Variants in CYP3A43 observed in about 807,000 individuals in gnomAD.
CYP3A43 encodes cytochrome P450 family 3 subfamily A member 43.
A neutral mutation model predicts 58.0 loss-of-function variants in CYP3A43; 45 were observed. The ratio of observed to expected loss-of-function variants is 0.78; its 90% CI spans 0.61 to 0.99. CYP3A43 has a LOEUF of 0.99. CYP3A43 is among the 50% of genes least tolerant of loss of function. The pLI is 0.00. For missense variants in CYP3A43, 593 were observed against 591.9 expected (o/e 1.00, Z -0.02); for synonymous variants, 191 against 201.4 (o/e 0.95, Z 0.44).
At chr7:99,834,185 T>G (rs1307383473) in intron 1 of CYP3A43, among the ~76,000 whole-genome samples, 1 of 152,214 alleles carries the variant, frequency 6.6e-6, no homozygotes, top group Non-Finnish European at 1.5e-5. Flanking sequence ...ATAAATCTAG[T>G]GCCCTTGATG....
chr7:99,862,509 C>G (rs1818276967), intron 11 of CYP3A43, among the ~76,000 whole-genome samples: 1 of 152,198 alleles, frequency 6.6e-6, no homozygotes, highest in South Asian at 2.1e-4. Flanking sequence ...GATGACTCTT[C>G]CAAAGCAAAG....
chr7:99,844,273 A>T (rs1297521081), intron 4 of CYP3A43, 31 bp downstream of exon 4: 2 of 1,591,894 alleles, frequency 1.3e-6, no homozygotes, highest in Non-Finnish European at 1.7e-6. Flanking sequence ...GTATTAATCA[A>T]ATTTTTATTC....
intron 3 of CYP3A43, among the ~76,000 whole-genome samples, chr7:99,843,247 T>G (rs1817412274): frequency 6.6e-6 from 1 of 152,040 alleles, no homozygotes; most frequent in Admixed American, 6.6e-5. Flanking sequence ...CTGCTTGCTC[T>G]TTCTCCTTTA....
At chr7:99,839,081 C>G in intron 2 of CYP3A43, 39 bp from the exon 3 acceptor site, 1 of 1,612,710 alleles carries the variant, frequency 6.2e-7, no homozygotes, top group Non-Finnish European at 8.5e-7. Context: ...TCAGTACATT[C>G]GAAATAATAC....
chr7:99,856,931 T>G, intron 9 of CYP3A43, 32 bp downstream of exon 9: 1 of 1,601,858 alleles, frequency 6.2e-7, no homozygotes, highest in Non-Finnish European at 8.5e-7. Flanking sequence ...GGGCTACTGA[T>G]GGGGACACTC....
intron 10 of CYP3A43, among the ~76,000 whole-genome samples, chr7:99,860,904 T>C (rs558374523): frequency 3.4e-4 from 52 of 152,168 alleles, no homozygotes; most frequent in Non-Finnish European, 6.5e-4. Flanking sequence ...CATGGAGTCT[T>C]GCTTCGTCGC....
intron 11 of CYP3A43, among the ~76,000 whole-genome samples, chr7:99,863,151 G>A (rs1296546790): frequency 6.6e-6 from 1 of 152,148 alleles, no homozygotes; most frequent in Non-Finnish European, 1.5e-5. Context: ...AATGCTGCAT[G>A]TCAGCTTCCC....
In CYP3A43 at chr7:99,855,719, G is replaced by A. The variant is rs1817950629; in HGVS notation, c.798+1G>A. 6.2e-7 allele frequency: 1 copy of A among 1,603,794 alleles called. No individual in the cohort carries two copies. On this transcript the variant is annotated splice_donor_variant, in intron 8 of 12. Transcript: ENST00000354829. LOFTEE classifies it high-confidence loss of function. ...AAGTCGCCTCAAAGATAAACAAAAG[G>A]TAAAATCTGGTGGTGGTGACATGAG...
intron 1 of CYP3A43, among the ~76,000 whole-genome samples, chr7:99,832,596 T>G (rs896230179): frequency 9.3e-5 from 14 of 150,126 alleles, no homozygotes; most frequent in Admixed American, 2.7e-4. Flanking sequence ...TGCTAAATGA[T>G]GAGTTAATGG....
At chr7:99,839,326 T>A (rs1048821464) in intron 3 of CYP3A43, 154 bp downstream of exon 3, 7 of 916,906 alleles carry the variant, frequency 7.6e-6, no homozygotes, top group Non-Finnish European at 1.2e-5. Context: ...AAAAAGATGA[T>A]CTGGGAATTG....
chr7:99,829,726 C>T (rs1246266551), intron 1 of CYP3A43, among the ~76,000 whole-genome samples: 1 of 152,150 alleles, frequency 6.6e-6, no homozygotes, highest in Non-Finnish European at 1.5e-5. Context: ...GGTAGAATGA[C>T]CTCTTATTAA....
chr7:99,839,141 GA>G lies in CYP3A43; in HGVS notation c.189del (p.Glu63AspfsTer27). On this transcript the variant is annotated frameshift_variant, in exon 3 of 13. Transcript: ENST00000354829. LOFTEE classifies it high-confidence loss of function. ...YLRGLWNFDR[E>X]CNEKYGEMWG... ...CCAGGGTCTTTGGAATTTTGACAGA[GA>G]ATGTAATGAAAAATACGGAGAAATG... The G allele has an allele frequency of 6.2e-7, 1 of 1,614,146 alleles. No individual in the cohort carries two copies. The highest frequency in any genetic ancestry group is 1.1e-5 in the South Asian group (1 of 91,086).
Position 99,865,970 on chromosome 7 carries a change from A to G in CYP3A43, c.1481A>G (p.His494Arg), listed in dbSNP as rs376843377. 7.5e-6 allele frequency: 12 copies of G among 1,606,896 alleles called. No homozygotes were observed. The highest frequency in any genetic ancestry group is 1.0e-5 in the Non-Finnish European group (12 of 1,176,866). ...GAAAAACCTATTGTTCTAAAAGTGCACTTAAGAGATGGGATTACAAGTGGA... is the reference window on the plus strand; with the variant it reads ...GAAAAACCTATTGTTCTAAAAGTGCGCTTAAGAGATGGGATTACAAGTGGA... Reference protein sequence around the residue: ...QPEKPIVLKVHLRDGITSGP With the variant: ...QPEKPIVLKVRLRDGITSGP Residue 494 changes from histidine (H) to arginine (R), a missense_variant, in exon 13 of 13, where the codon CAC becomes CGC. Physicochemically the swap from His to Arg is conservative, Grantham distance 29. Coordinates refer to ENST00000354829, the MANE Select transcript of CYP3A43 (RefSeq NM_057095.3).
At chr7:99,860,748 A>G (rs1232207967) in intron 10 of CYP3A43, among the ~76,000 whole-genome samples, 3 of 152,226 alleles carry the variant, frequency 2.0e-5, no homozygotes, top group Non-Finnish European at 2.9e-5. Context: ...TATCCTGTTT[A>G]CAACTCTCAG....
At position 99,855,606 on chromosome 7, in the gene CYP3A43, T is replaced by C; in HGVS notation, c.686T>C (p.Leu229Pro). 1 of 1,610,532 alleles carries C rather than the reference T, an allele frequency of 6.2e-7. No homozygotes were observed. The highest frequency in any genetic ancestry group is 8.5e-7 in the Non-Finnish European group (1 of 1,178,128). ...FLLLISLFPF[L>P]TPVFEALNIG... ...TTTCCTATAGCACTCTTTCCATTTCTTACCCCAGTTTTTGAAGCCCTAAAT... is the reference window on the plus strand; with the variant it reads ...TTTCCTATAGCACTCTTTCCATTTCCTACCCCAGTTTTTGAAGCCCTAAAT... The change falls in exon 8 of 13, where the codon CTT becomes CCT. Residue 229 changes from leucine (L) to proline (P), a missense_variant. Leu to Pro is a moderately conservative substitution (Grantham distance 98). Coordinates refer to ENST00000354829, the MANE Select transcript of CYP3A43 (RefSeq NM_057095.3).
chr7:99,855,044 G>A (rs35987562), intron 7 of CYP3A43, among the ~76,000 whole-genome samples: 15,370 of 151,076 alleles, frequency 0.1, 1,282 homozygotes, highest in African/African-American at 0.24. Flanking sequence ...CACCATGCCC[G>A]GCTAATTTTT....
At position 99,849,561 on chromosome 7, in the gene CYP3A43, C is replaced by T; in HGVS notation, c.537C>T (p.Tyr179=). 6.2e-7 allele frequency: 1 copy of T among 1,608,722 alleles called. No homozygotes were observed. Among genetic ancestry groups the T allele is most frequent in the South Asian group, 1.1e-5 (1 of 89,432 alleles). The change falls in exon 7 of 13, where the codon TAC becomes TAT. Residue 179 remains tyrosine (Y), a synonymous_variant. Coordinates refer to ENST00000354829, the MANE Select transcript of CYP3A43 (RefSeq NM_057095.3). The part of the protein sequence containing the change: ...SINLKDFFGA[Y]TMDVITGTLF... ...CTCTACTCAGTTTCTTTGGGGCCTA[C>T]ACCATGGATGTAATCACTGGCACAT...
chr7:99,853,922 C>T (rs950415128), intron 7 of CYP3A43, among the ~76,000 whole-genome samples: 6 of 151,972 alleles, frequency 3.9e-5, no homozygotes, highest in South Asian at 2.1e-4. Context: ...ATGGGGTACA[C>T]GAGATGGTTT....
chr7:99,849,628 C>A lies in CYP3A43; in HGVS notation c.604C>A (p.Pro202Thr), dbSNP rs200371261. The A allele has an allele frequency of 6.2e-7, 1 of 1,612,752 alleles. No homozygotes were observed. ...GGATTCTCTCAACAATCCACAAGATCCCTTTCTGAAAAATATGAAGAAGCT... is the reference window on the plus strand; with the variant it reads ...GGATTCTCTCAACAATCCACAAGATACCTTTCTGAAAAATATGAAGAAGCT... ...NLDSLNNPQD[P>T]FLKNMKKLLK... is the part of the protein sequence containing the mutation. Residue 202 changes from proline to threonine, a missense_variant, in exon 7 of 13, where the codon CCC (proline) becomes ACC (threonine). Physicochemically the swap from Pro to Thr is conservative, Grantham distance 38. Transcript: ENST00000354829.
Sources: allele counts gnomAD v4.1 joint callset (sites outside exome capture counted in the v4.1 genomes callset), GRCh38; gene constraint gnomAD v4.1.1; transcripts MANE v1.5; gene names NCBI Gene and HGNC (gene_info 2026-07-23, HGNC 2026-07-21).